The following PRKN variants were observed in gnomAD, a reference collection of about 807,000 sequenced individuals.
The protein encoded by PRKN is E3 ubiquitin-protein ligase parkin.
A neutral mutation model predicts 59.5 loss-of-function variants in PRKN; 56 were observed. That is an observed-to-expected ratio of 0.94 (90% CI 0.76 to 1.18). The LOEUF (loss-of-function observed/expected upper bound fraction) is 1.18. Ranked by LOEUF, PRKN falls within the 50% of genes most tolerant of loss-of-function variation. The pLI is 0.00. For missense variants in PRKN, 657 were observed against 596.4 expected (o/e 1.10, Z -1.06); for synonymous variants, 250 against 222.1 (o/e 1.13, Z -1.12).
rs564312009 is a variant in PRKN at position 161,563,059 on chromosome 6, G to T, written c.933+6296C>A. ...AAAGCAAGCTCTTCACCTCCTTGGG[G>T]GCACTGGATGTGTGCTTTCCTCTGC... On this transcript the variant is annotated intron_variant, in intron 8 of 11. Coordinates refer to ENST00000366898, the MANE Select transcript of PRKN (RefSeq NM_004562.3). Among the ~76,000 whole-genome samples, 14 of 152,016 alleles carry T rather than the reference G, an allele frequency of 9.2e-5. No homozygotes were observed. In the South Asian group the frequency reaches 2.9e-3, roughly 32 times the overall value.
rs963081724 is a variant in PRKN at position 161,386,414 on chromosome 6, T to C, written c.1167+380A>G. Among the ~76,000 whole-genome samples the C allele has an allele frequency of 6.6e-6, 1 of 152,220 alleles. No individual in the cohort carries two copies. The highest frequency in any genetic ancestry group is 1.5e-5 in the Non-Finnish European group (1 of 68,042). ...TGTACATGCCACTCACAGAGGTATT[T>C]TCACCAGAGATTCTAAACTAGGGCA... On this transcript the variant is annotated intron_variant, in intron 10 of 11. Coordinates refer to ENST00000366898, the MANE Select transcript of PRKN (RefSeq NM_004562.3). The surrounding 1 kb of genome is among the most constrained non-coding windows in gnomAD (Gnocchi z 4.3).
intron 4 of PRKN, among the ~76,000 whole-genome samples, chr6:162,194,979 G>A (rs1258295199): frequency 6.6e-6 from 1 of 152,124 alleles, no homozygotes; most frequent in Non-Finnish European, 1.5e-5. Context: ...TGGCAGAACA[G>A]ATGGTGGCGT....
chr6:162,418,839 C>A (rs552601537), intron 2 of PRKN, among the ~76,000 whole-genome samples: 13 of 151,824 alleles, frequency 8.6e-5, no homozygotes, highest in African/African-American at 2.9e-4. Context: ...CCACTGCAGC[C>A]CCCAAAAGCC....
chr6:162,431,636 A>G (rs1282248153), intron 2 of PRKN, among the ~76,000 whole-genome samples: 1 of 152,220 alleles, frequency 6.6e-6, no homozygotes, highest in Non-Finnish European at 1.5e-5. Flanking sequence ...TTATTTAAAG[A>G]AACAGACTGA....
chr6:162,049,909 A>G (rs2023047), intron 5 of PRKN, among the ~76,000 whole-genome samples: 59,733 of 151,918 alleles, frequency 0.39, 12,832 homozygotes, highest in East Asian at 0.62. Flanking sequence ...GGAGCCCTCA[A>G]CTCCACAGAG....
At chr6:161,541,559 G>C (rs572759513) in intron 9 of PRKN, among the ~76,000 whole-genome samples, 7 of 152,164 alleles carry the variant, frequency 4.6e-5, no homozygotes. Context: ...GGTGGCTCAC[G>C]CCTATAATTC....
intron 1 of PRKN, among the ~76,000 whole-genome samples, chr6:162,633,198 C>T (rs1024602364): frequency 6.6e-6 from 1 of 151,462 alleles, no homozygotes; most frequent in Non-Finnish European, 1.5e-5. Context: ...CTTTGGGAGG[C>T]CGAGGTGGGT....
chr6:161,823,988 T>C (rs1283977396), intron 6 of PRKN, among the ~76,000 whole-genome samples: 2 of 152,178 alleles, frequency 1.3e-5, no homozygotes, highest in Non-Finnish European at 2.9e-5. Context: ...TAATGGGTAT[T>C]TGGGAAGCTG....
At position 161,833,319 on chromosome 6, in the gene PRKN, G is replaced by A. The variant is rs557746824; in HGVS notation, c.735-47411C>T. On this transcript the variant is annotated intron_variant, in intron 6 of 11. Transcript: ENST00000366898. The stretch of plus-strand genomic sequence containing the variant: ...GAAGTGCTTGCCCGGAGGCCTGAGC[G>A]ATTTCCTAATCCTCTTGCTTAATGT... Among the ~76,000 whole-genome samples, 9 of 152,320 alleles carry A rather than the reference G, an allele frequency of 5.9e-5. No individual in the cohort carries two copies. The South Asian group carries it at 1.7e-3, about 28-fold the overall frequency.
chr6:162,457,034 AC>A (rs1268244159), intron 1 of PRKN, among the ~76,000 whole-genome samples: 1 of 152,190 alleles, frequency 6.6e-6, no homozygotes, highest in Non-Finnish European at 1.5e-5. Context: ...GAAAGTTGAA[AC>A]AAGAAAGCAG....
At chr6:162,149,225 T>C (rs1782156436) in intron 4 of PRKN, among the ~76,000 whole-genome samples, 2 of 152,082 alleles carry the variant, frequency 1.3e-5, no homozygotes, top group African/African-American at 2.4e-5. Context: ...TAAAATAAAA[T>C]ATAAGACTTT....
At chr6:161,757,234 G>A (rs951916115) in intron 7 of PRKN, among the ~76,000 whole-genome samples, 2 of 152,054 alleles carry the variant, frequency 1.3e-5, no homozygotes, top group African/African-American at 4.8e-5. Context: ...TGGCAAATTG[G>A]ATTTAACTGA....
chr6:162,135,977 C>G lies in PRKN; in HGVS notation c.534+65154G>C, dbSNP rs149721612. On this transcript the variant is annotated intron_variant, in intron 4 of 11. Coordinates refer to ENST00000366898, the MANE Select transcript of PRKN (RefSeq NM_004562.3). ...AGTCAGATGGATTTTCTCACTGAAG[C>G]CTTGCTGAGTCCCTCAACTGGAGTT... Among the ~76,000 whole-genome samples the G allele has an allele frequency of 4.1e-3, 628 of 152,058 alleles. 3 individuals carry two copies. Among genetic ancestry groups the G allele is most frequent in the African/African-American group, 0.014 (582 of 41,486 alleles).
chr6:161,822,267 G>C (rs1251642862), intron 6 of PRKN, among the ~76,000 whole-genome samples: 14 of 152,128 alleles, frequency 9.2e-5, no homozygotes, highest in Admixed American at 8.5e-4. Context: ...TGAAGAAAAG[G>C]GTTTGTTATA....
chr6:162,406,423 A>G (rs931651886), intron 2 of PRKN, among the ~76,000 whole-genome samples: 1 of 152,244 alleles, frequency 6.6e-6, no homozygotes, highest in African/African-American at 2.4e-5. Context: ...ACACCATTCA[A>G]CATCTTCATC....
chr6:162,265,418 C>G, intron 2 of PRKN, among the ~76,000 whole-genome samples: 1 of 152,144 alleles, frequency 6.6e-6, no homozygotes, highest in Non-Finnish European at 1.5e-5. Context: ...CTGCCAGGCA[C>G]AGTAGCTCAC....
Position 161,710,521 on chromosome 6 carries a change from G to A in PRKN, c.871+75251C>T, listed in dbSNP as rs539699277. Reference sequence around the variant, plus strand: ...AGCTAAGAACATAGGCATGGAGTGTGTGCATATCTGTGTGCATGTGTATAT... The same window carrying A: ...AGCTAAGAACATAGGCATGGAGTGTATGCATATCTGTGTGCATGTGTATAT... On this transcript the variant is annotated intron_variant, in intron 7 of 11. Coordinates refer to ENST00000366898, the MANE Select transcript of PRKN (RefSeq NM_004562.3). Among the ~76,000 whole-genome samples the A allele has an allele frequency of 2.4e-4, 36 of 152,214 alleles. 2 individuals are homozygous for A. In the South Asian group the frequency reaches 7.3e-3, roughly 31 times the overall value.
intron 9 of PRKN, among the ~76,000 whole-genome samples, chr6:161,415,467 A>G (rs1260177765): frequency 2.0e-5 from 3 of 152,012 alleles, no homozygotes; most frequent in African/African-American, 7.3e-5. Context: ...ACGTGAGTCA[A>G]CTTAGTTGAT....
chr6:162,276,151 G>A (rs1011035848), intron 2 of PRKN, among the ~76,000 whole-genome samples: 29 of 152,248 alleles, frequency 1.9e-4, no homozygotes, highest in East Asian at 5.8e-4. Flanking sequence ...AATACATCAC[G>A]AGTTCAATCT....
Sources: gnomAD v4.1 joint callset for allele counts (sites outside exome capture counted in the v4.1 genomes callset) on GRCh38, gnomAD v4.1.1 for gene constraint, Gnocchi (gnomAD v3.1) non-coding constraint, MANE v1.5 for transcripts, NCBI Gene and HGNC (gene_info 2026-07-23, HGNC 2026-07-21) for gene names.